ST6GAL2: variants seen among roughly 807,000 people sequenced by gnomAD.
The protein encoded by ST6GAL2 is ST6 beta-galactoside alpha-2,6-sialyltransferase 2, also known as beta-galactoside alpha-2,6-sialyltransferase 2.
A neutral mutation model predicts 37.5 loss-of-function variants in ST6GAL2; 24 were observed. That is an observed-to-expected ratio of 0.64 (90% CI 0.46 to 0.90). The LOEUF (loss-of-function observed/expected upper bound fraction) is 0.90. ST6GAL2 is among the 40% of genes least tolerant of loss of function. The pLI, the probability that ST6GAL2 is intolerant of heterozygous loss-of-function variation, is 0.00. For synonymous variants in ST6GAL2, 306 were observed against 295.1 expected (o/e 1.04, Z -0.38); for missense variants, 715 against 712.7 (o/e 1.00, Z -0.04).
chr2:106,840,661 A>T (rs1676840638), intron 2 of ST6GAL2, among the ~76,000 whole-genome samples: 1 of 152,254 alleles, frequency 6.6e-6, no homozygotes, highest in Admixed American at 6.5e-5. Context: ...ACTAGAAATT[A>T]ACAAAGATAT....
chr2:106,811,531 G>A (rs1675610222), intron 5 of ST6GAL2, among the ~76,000 whole-genome samples: 1 of 152,086 alleles, frequency 6.6e-6, no homozygotes, highest in Non-Finnish European at 1.5e-5. Flanking sequence ...CTTTAAAAAG[G>A]TAAAGATATT....
intron 1 of ST6GAL2, among the ~76,000 whole-genome samples, chr2:106,878,287 AC>A (rs1678591969): frequency 6.6e-6 from 1 of 152,142 alleles, no homozygotes; most frequent in Non-Finnish European, 1.5e-5. Flanking sequence ...ACAGAGTGAG[AC>A]CCTGTCTCTC....
intron 1 of ST6GAL2, among the ~76,000 whole-genome samples, chr2:106,871,196 G>C (rs1449501045): frequency 6.6e-6 from 1 of 152,128 alleles, no homozygotes; most frequent in Non-Finnish European, 1.5e-5. Context: ...CATAGGAAAA[G>C]TACAGTAAAA....
In ST6GAL2 at chr2:106,854,966, A is replaced by G. The variant is rs569841087; in HGVS notation, c.-57-10932T>C. ...AAGACCTCTCTCTAGTGTCTCAGTCATAAAAAGTAACCCTGTCAGGGACTG... is the reference window on the plus strand; with the variant it reads ...AAGACCTCTCTCTAGTGTCTCAGTCGTAAAAAGTAACCCTGTCAGGGACTG... On this transcript the variant is annotated intron_variant, in intron 1 of 5. Transcript: ENST00000409382. Among the ~76,000 whole-genome samples, 3 of 151,062 alleles carry G rather than the reference A, an allele frequency of 2.0e-5. No homozygotes were observed. The South Asian group carries it at 6.3e-4, about 32-fold the overall frequency.
chr2:106,807,710 C>G (rs1424352939), intron 5 of ST6GAL2, among the ~76,000 whole-genome samples: 2 of 151,492 alleles, frequency 1.3e-5, no homozygotes, highest in Non-Finnish European at 2.9e-5. Context: ...TGCAAGCTCC[C>G]CCTTCCCCGA....
chr2:106,861,619 CT>C (rs904512428), intron 1 of ST6GAL2, among the ~76,000 whole-genome samples: 12 of 151,274 alleles, frequency 7.9e-5, no homozygotes, highest in Non-Finnish European at 1.2e-4. Context: ...TTTATTCTTT[CT>C]TTTTTTTCTT....
In ST6GAL2 at chr2:106,843,107, G is replaced by T. The variant is rs754052250; in HGVS notation, c.871C>A (p.Arg291Ser). 1.3e-6 allele frequency: 2 copies of T among 1,556,680 alleles called. No individual in the cohort carries two copies. Among genetic ancestry groups the T allele is most frequent in the Non-Finnish European group, 1.7e-6 (2 of 1,157,038 alleles). The change falls in exon 2 of 6, where the codon CGC becomes AGC. Residue 291 changes from arginine to serine, a missense_variant. Around this residue, in one of 3 missense-constraint regions of ST6GAL2, gnomAD observed 512 missense variants for 488.8 expected, o/e 1.05. Transcript: ENST00000409382. ...PAVPLSQLHP[R>S]GLRSCAVVMS... ...ACGACAGCGCAGCTGCGCAGGCCGC[G>T]GGGGTGCAGCTGGCTCAGGGGCACG... is the stretch of plus-strand genomic sequence containing the variant.
In ST6GAL2 at chr2:106,843,196, A is replaced by ACGCG. The variant is rs1558699922; in HGVS notation, c.778_781dup (p.Val261AlafsTer59). 5 of 1,548,510 alleles carry ACGCG rather than the reference A, an allele frequency of 3.2e-6. No homozygotes were observed. The Admixed American group carries it at 8.1e-5, about 25-fold the overall frequency. On this transcript the variant is annotated frameshift_variant, in exon 2 of 6. Transcript: ENST00000409382. LOFTEE classifies it high-confidence loss of function. The stretch of plus-strand genomic sequence containing the variant: ...CGCCTCGGTGCCGTCCAGCGTCCGC[A>ACGCG]CGCGCGCGCGGCTCCGCAGCTGGCA...
At chr2:106,878,127 T>C (rs1452585953) in intron 1 of ST6GAL2, among the ~76,000 whole-genome samples, 1 of 152,154 alleles carries the variant, frequency 6.6e-6, no homozygotes, top group East Asian at 1.9e-4. Context: ...CAAAAACATT[T>C]GGAAAAACAA....
intron 1 of ST6GAL2, among the ~76,000 whole-genome samples, chr2:106,858,204 T>A (rs1371543638): frequency 6.6e-6 from 1 of 152,214 alleles, no homozygotes; most frequent in Non-Finnish European, 1.5e-5. Flanking sequence ...TTACTCATGT[T>A]TTTTACTCAC....
intron 5 of ST6GAL2, among the ~76,000 whole-genome samples, chr2:106,814,631 A>T (rs1447808430): frequency 6.6e-6 from 1 of 152,172 alleles, no homozygotes; most frequent in Non-Finnish European, 1.5e-5. Flanking sequence ...GCCTGTTAAC[A>T]CTCAGGCTGG....
At chr2:106,818,710 T>G (rs990838157) in intron 5 of ST6GAL2, among the ~76,000 whole-genome samples, 2 of 151,496 alleles carry the variant, frequency 1.3e-5, no homozygotes, top group Non-Finnish European at 2.9e-5. Context: ...CTCAAAACCA[T>G]CCAGGAAAAT....
At chr2:106,877,856 T>A (rs145496097) in intron 1 of ST6GAL2, among the ~76,000 whole-genome samples, 1 of 152,210 alleles carries the variant, frequency 6.6e-6, no homozygotes, top group South Asian at 2.1e-4. Context: ...CCAATCAATA[T>A]GGGTATGCCT....
intron 1 of ST6GAL2, 89 bp from the exon 2 acceptor site, chr2:106,844,123 G>T: frequency 3.3e-6 from 2 of 611,940 alleles, no homozygotes; most frequent in Non-Finnish European, 5.4e-6. Flanking sequence ...TGTTTCTGTA[G>T]GTGGTGGGGT....
rs780492884 is a variant in ST6GAL2, at chr2:106,806,808, T to G, written c.1460A>C (p.Tyr487Ser). Reference protein sequence around the residue: ...CTLGAYHPLLYEKLLVQRLNM... With the variant: ...CTLGAYHPLLSEKLLVQRLNM... ...CAGGCGCTGCACCAGGAGCTTCTCA[T>G]AGAGTAGTGGGTGGTACGCCCCGAG... Residue 487 changes from tyrosine (Y) to serine (S), a missense_variant, in exon 6 of 6, where the codon TAT becomes TCT. This residue lies in a region of ST6GAL2 where 198 missense variants were observed against 203.6 expected (regional missense o/e 0.97). Transcript: ENST00000409382. 6.2e-7 allele frequency: 1 copy of G among 1,614,136 alleles called. No individual in the cohort carries two copies. Among genetic ancestry groups the G allele is most frequent in the Admixed American group, 1.7e-5 (1 of 60,016 alleles).
chr2:106,820,107 A>C (rs1675942203), intron 5 of ST6GAL2, among the ~76,000 whole-genome samples: 1 of 152,110 alleles, frequency 6.6e-6, no homozygotes, highest in Non-Finnish European at 1.5e-5. Context: ...GGCAGGAGTA[A>C]GTCCTTACTT....
intron 1 of ST6GAL2, chr2:106,885,883 G>A (rs1397378269): frequency 1.3e-5 from 2 of 152,122 alleles, no homozygotes; most frequent in Non-Finnish European, 2.9e-5. Flanking sequence ...TGAGCCACAG[G>A]GGCACAACTG....
chr2:106,809,021 C>G (rs2104412470), intron 5 of ST6GAL2, among the ~76,000 whole-genome samples: 1 of 152,242 alleles, frequency 6.6e-6, no homozygotes, highest in East Asian at 1.9e-4. Flanking sequence ...CAAAACAAAA[C>G]AACCCACAAA....
Position 106,803,316 on chromosome 2 carries a change from A to G in ST6GAL2, c.*3362T>C, listed in dbSNP as rs1429752150. 6.6e-6 allele frequency: 1 copy of G among 152,160 alleles called. No individual in the cohort carries two copies. Among genetic ancestry groups the G allele is most frequent in the Non-Finnish European group, 1.5e-5 (1 of 68,044 alleles). 9.4% of individuals were successfully genotyped at this position (152,160 alleles called of 1,614,324 possible). On this transcript the variant is annotated 3_prime_UTR_variant, in exon 6 of 6. Transcript: ENST00000409382. ...AAGCTCTGCCTTCAGGCAGACAAGG[A>G]AAGACCTGGTCGTTCAAAGATGTAT...
Sources: allele counts gnomAD v4.1 joint callset (sites outside exome capture counted in the v4.1 genomes callset), GRCh38; gene constraint gnomAD v4.1.1; regional missense constraint gnomAD v4.1.1; transcripts MANE v1.5; gene names NCBI Gene and HGNC (gene_info 2026-07-23, HGNC 2026-07-21).